Variants in PKIB observed in about 807,000 individuals in gnomAD.
PKIB encodes PKI-beta.
A neutral mutation model predicts 4.5 loss-of-function variants in PKIB; 2 were observed. That is an observed-to-expected ratio of 0.44 (90% CI 0.18 to 1.39). The LOEUF (loss-of-function observed/expected upper bound fraction) is 1.39, where lower values mean the gene tolerates loss of function less well. Among genes scored for constraint, PKIB ranks in the 40% most tolerant of loss-of-function variants. PKIB has a pLI of 0.27. For missense variants in PKIB, 94 were observed against 92.6 expected, an observed-to-expected ratio of 1.02 and a Z score of -0.06; for synonymous variants, 38 against 36.0, an observed-to-expected ratio of 1.06 and a Z score of -0.20.
intron 1 of PKIB, among the ~76,000 whole-genome samples, chr6:122,612,797 G>A (rs1774816623): frequency 6.6e-6 from 1 of 151,912 alleles, no homozygotes; most frequent in Non-Finnish European, 1.5e-5. Context: ...ATTTCTCTTG[G>A]GTAGATGCTT....
intron 2 of PKIB, among the ~76,000 whole-genome samples, chr6:122,544,035 C>G (rs1364612172): frequency 1.3e-5 from 2 of 151,832 alleles, no homozygotes; most frequent in African/African-American, 2.4e-5. Flanking sequence ...TCATTGAGAA[C>G]TAACTCTATG....
intron 4 of PKIB, among the ~76,000 whole-genome samples, chr6:122,721,157 T>C (rs1226637540): frequency 1.3e-5 from 2 of 152,202 alleles, no homozygotes; most frequent in African/African-American, 2.4e-5. Context: ...TTAGAAGTCC[T>C]CCACTCTTTT....
intron 1 of PKIB, among the ~76,000 whole-genome samples, chr6:122,617,310 G>A (rs1450675647): frequency 6.6e-6 from 1 of 152,130 alleles, no homozygotes; most frequent in Non-Finnish European, 1.5e-5. Flanking sequence ...TTTCCCTCAG[G>A]GAGTGGTGGA....
intron 2 of PKIB, among the ~76,000 whole-genome samples, chr6:122,641,763 C>T (rs530557243): frequency 2.6e-5 from 4 of 152,220 alleles, no homozygotes; most frequent in South Asian, 2.1e-4. Context: ...ACATGATCTC[C>T]GCTCACTGCA....
At chr6:122,518,988 A>C (rs1405809364) in intron 2 of PKIB, among the ~76,000 whole-genome samples, 1 of 152,190 alleles carries the variant, frequency 6.6e-6, no homozygotes, top group African/African-American at 2.4e-5. Flanking sequence ...AGGAAGAAGA[A>C]AATGCTATAA....
intron 1 of PKIB, among the ~76,000 whole-genome samples, chr6:122,623,814 C>T (rs1775329884): frequency 6.7e-6 from 1 of 150,078 alleles, no homozygotes; most frequent in Non-Finnish European, 1.5e-5. Flanking sequence ...CTAAGATATA[C>T]TGAAAGCTAC....
At chr6:122,519,723 T>C (rs1776875642) in intron 2 of PKIB, among the ~76,000 whole-genome samples, 1 of 152,218 alleles carries the variant, frequency 6.6e-6, no homozygotes. Flanking sequence ...TTTATCTTGT[T>C]TTATGTTTTC....
intron 2 of PKIB, among the ~76,000 whole-genome samples, chr6:122,496,425 A>G (rs1048571229): frequency 6.6e-6 from 1 of 152,262 alleles, no homozygotes; most frequent in Admixed American, 6.5e-5. Flanking sequence ...AATTCAAAGC[A>G]TAGATGTCAA....
rs541998429 is a variant in PKIB, at chr6:122,542,657, G to A, written c.-247-43264G>A. 4.6e-5 allele frequency among the ~76,000 whole-genome samples: 7 copies of A among 152,148 alleles called. No homozygotes were observed. In the South Asian group the frequency reaches 6.2e-4, roughly 14 times the overall value. On this transcript the variant is annotated intron_variant, in intron 2 of 6. Transcript: ENST00000392491. ...GGGGTGCCTCCCAGTTAGGCTGCTC[G>A]GGGGTCAAGGACCCACTTGAGGAGG...
chr6:122,661,942 G>T (rs768674930), intron 2 of PKIB, among the ~76,000 whole-genome samples: 3 of 151,902 alleles, frequency 2.0e-5, no homozygotes, highest in Non-Finnish European at 1.5e-5. Context: ...CCCTAATAGG[G>T]GATAATGATG....
At chr6:122,474,649 T>C (rs1310942809) in intron 1 of PKIB, among the ~76,000 whole-genome samples, 3 of 152,198 alleles carry the variant, frequency 2.0e-5, no homozygotes, top group African/African-American at 7.2e-5. Context: ...AAATAAATGG[T>C]ATGTAAAATT....
chr6:122,483,741 A>G (rs998307158), intron 2 of PKIB: 2 of 152,222 alleles, frequency 1.3e-5, no homozygotes, highest in African/African-American at 4.8e-5. Context: ...AAAGTTTGTT[A>G]TATACAGTCC....
chr6:122,497,054 G>A (rs1464610425), intron 2 of PKIB, among the ~76,000 whole-genome samples: 1 of 152,194 alleles, frequency 6.6e-6, no homozygotes, highest in Admixed American at 6.5e-5. Context: ...CAAGCTTGAA[G>A]AGATTGGGAG....
Position 122,501,949 on chromosome 6 carries a change from T to TA in PKIB, c.-248+24012dup, listed in dbSNP as rs1491561108. 2.1e-4 allele frequency among the ~76,000 whole-genome samples: 29 copies of TA among 136,982 alleles called. No individual in the cohort carries two copies. The South Asian group carries it at 6.6e-3, about 31-fold the overall frequency. 89.9% of individuals were successfully genotyped at this position (136,982 alleles called of 152,430 possible). On this transcript the variant is annotated intron_variant, in intron 2 of 6. Transcript: ENST00000392491. ...GGCCACTTTTTTTTTTTTTTTTTTT[T>TA]AATTTTATTTTATTTTTTTCGAGAT...
At chr6:122,564,990 CAA>C (rs1773142812) in intron 2 of PKIB, among the ~76,000 whole-genome samples, 1 of 152,108 alleles carries the variant, frequency 6.6e-6, no homozygotes, top group African/African-American at 2.4e-5. Context: ...AGCATAGTCT[CAA>C]GAGAAGTGTG....
chr6:122,589,784 A>C (rs1359091003), intron 3 of PKIB, among the ~76,000 whole-genome samples: 1 of 152,174 alleles, frequency 6.6e-6, no homozygotes, highest in African/African-American at 2.4e-5. Flanking sequence ...AATAACAAAG[A>C]ATAAGGGGGC....
intron 2 of PKIB, among the ~76,000 whole-genome samples, chr6:122,560,582 T>A (rs966898319): frequency 6.6e-6 from 1 of 152,156 alleles, no homozygotes; most frequent in Non-Finnish European, 1.5e-5. Context: ...TCCTTCTTTC[T>A]CTATCTTGTG....
At chr6:122,632,926 T>C (rs1356803304) in intron 1 of PKIB, among the ~76,000 whole-genome samples, 1 of 152,250 alleles carries the variant, frequency 6.6e-6, no homozygotes, top group Non-Finnish European at 1.5e-5. Flanking sequence ...AGTAAGAATG[T>C]CTCTGACTGT....
chr6:122,626,150 A>G (rs1279629663), intron 1 of PKIB, among the ~76,000 whole-genome samples: 2 of 152,220 alleles, frequency 1.3e-5, no homozygotes, highest in Admixed American at 1.3e-4. Flanking sequence ...AAATCAGTTG[A>G]ATACAATAAT....
Sources: gnomAD v4.1 joint callset for allele counts (sites outside exome capture counted in the v4.1 genomes callset) on GRCh38, gnomAD v4.1.1 for gene constraint, MANE v1.5 for transcripts, NCBI Gene and HGNC (gene_info 2026-07-23, HGNC 2026-07-21) for gene names.